COL5A1: variants seen among roughly 807,000 people sequenced by gnomAD.
COL5A1 encodes collagen type V alpha 1 chain, also known as collagen alpha-1(V) chain.
A neutral mutation model predicts 263.7 loss-of-function variants in COL5A1; 16 were observed. The ratio of observed to expected loss-of-function variants is 0.06; its 90% CI spans 0.04 to 0.09. COL5A1 has a LOEUF of 0.09. COL5A1 is among the 10% of genes least tolerant of loss of function. The pLI, the probability that COL5A1 is intolerant of heterozygous loss-of-function variation, is 1.00. For synonymous variants in COL5A1, 1,012 were observed against 1,004.5 expected, an observed-to-expected ratio of 1.01 and a Z score of -0.14; for missense variants, 2,036 against 2,540.5, an observed-to-expected ratio of 0.80 and a Z score of 4.27.
At position 134,738,494 on chromosome 9, in the gene COL5A1, G is replaced by T; in HGVS notation, c.1410G>T (p.Pro470=). Residue 470 remains proline, a synonymous_variant, in exon 10 of 66, where the codon CCG becomes CCT. Transcript: ENST00000371817. Reference sequence around the variant, plus strand: ...CCCAGGGCATGCTCATCGAGGGCCCGCCTGGCCCAGAAGGCCCCGCGGTGA... The same window carrying T: ...CCCAGGGCATGCTCATCGAGGGCCCTCCTGGCCCAGAAGGCCCCGCGGTGA... The part of the protein sequence containing the change: ...IIEPGMLIEG[P]PGPEGPAGLP... 6.2e-7 allele frequency: 1 copy of T among 1,614,000 alleles called. No individual in the cohort carries two copies. Among genetic ancestry groups the T allele is most frequent in the Non-Finnish European group, 8.5e-7 (1 of 1,180,026 alleles).
chr9:134,782,522 C>G (rs1187618142), intron 28 of COL5A1, 145 bp from the exon 29 acceptor site: 1 of 802,586 alleles, frequency 1.2e-6, no homozygotes, highest in Admixed American at 1.7e-5. Flanking sequence ...AGGGATGGGC[C>G]CCAAGCCCAC....
chr9:134,804,178 A>C (rs1838211276), intron 39 of COL5A1, among the ~76,000 whole-genome samples: 1 of 152,166 alleles, frequency 6.6e-6, no homozygotes, highest in Non-Finnish European at 1.5e-5. Flanking sequence ...ATAGGAATAA[A>C]TACACATGTG....
chr9:134,819,245 T>TG (rs1239468639), intron 57 of COL5A1, among the ~76,000 whole-genome samples, 192 bp downstream of exon 57: 4 of 152,274 alleles, frequency 2.6e-5, no homozygotes, highest in Middle Eastern at 3.4e-3. Flanking sequence ...CCCCTGCCTC[T>TG]GGGGGGTCCT....
In COL5A1 at chr9:134,642,551, G is replaced by T. The variant is rs1831332197; in HGVS notation, c.109+255G>T. On this transcript the variant is annotated intron_variant, in intron 1 of 65. Transcript: ENST00000371817. The surrounding 1 kb of genome is among the most constrained non-coding windows in gnomAD (Gnocchi z 4.5). ...CTGTCGCGCGAGCCGAGGAAGGACC[G>T]AGGGCTGGATCAGCAGGAGGGGTTG... Among the ~76,000 whole-genome samples the T allele has an allele frequency of 6.6e-6, 1 of 152,176 alleles. No homozygotes were observed. The highest frequency in any genetic ancestry group is 2.1e-4 in the South Asian group (1 of 4,832).
intron 37 of COL5A1, among the ~76,000 whole-genome samples, chr9:134,799,907 G>A (rs899042162): frequency 7.9e-5 from 12 of 152,312 alleles, no homozygotes; most frequent in South Asian, 6.2e-4. Context: ...TAAGCTGCTT[G>A]TCTCTGCTCA....
chr9:134,841,596 A>T lies in COL5A1; in HGVS notation c.5371-561A>T, dbSNP rs1468284936. 6.6e-6 allele frequency among the ~76,000 whole-genome samples: 1 copy of T among 151,838 alleles called. No individual in the cohort carries two copies. The highest frequency in any genetic ancestry group is 1.5e-5 in the Non-Finnish European group (1 of 67,922). On this transcript the variant is annotated intron_variant, in intron 65 of 65. Coordinates refer to ENST00000371817, the MANE Select transcript of COL5A1 (RefSeq NM_000093.5). This position sits in a 1 kb window ranked among gnomAD's most constrained non-coding sequence, Gnocchi z 4.8. ...GTGGAAGGTCCCCACCCCTTCCCAT[A>T]CTTGTGGAGGTGAAGACCCAGCCCA...
Position 134,830,236 on chromosome 9 carries a change from G to A in COL5A1, c.5136+192G>A, listed in dbSNP as rs73561989. The A allele has an allele frequency of 8.9e-4, 1,360 of 1,531,074 alleles. 12 individuals are homozygous for A. The African/African-American group carries it at 0.015, about 17-fold the overall frequency. 94.8% of individuals were successfully genotyped at this position (1,531,074 alleles called of 1,614,324 possible). The stretch of plus-strand genomic sequence containing the variant: ...TGCCTGCTTGCGGCACGGCTGGCTC[G>A]CGGCTCTGCATGGCACCCATCGCTG... On this transcript the variant is annotated intron_variant, in intron 64 of 65. Coordinates refer to ENST00000371817, the MANE Select transcript of COL5A1 (RefSeq NM_000093.5).
intron 7 of COL5A1, among the ~76,000 whole-genome samples, chr9:134,730,759 C>T (rs771680281): frequency 1.1e-4 from 17 of 152,214 alleles, no homozygotes; most frequent in Non-Finnish European, 1.6e-4. Context: ...CTAGCCCTTC[C>T]GGTCTTTGAG....
intron 39 of COL5A1, 130 bp from the exon 40 acceptor site, chr9:134,804,845 T>C: frequency 1.3e-6 from 1 of 792,850 alleles, no homozygotes; most frequent in Non-Finnish European, 2.1e-6. Flanking sequence ...TTGGCCTCGC[T>C]CTGGGACTGG....
intron 11 of COL5A1, among the ~76,000 whole-genome samples, chr9:134,748,328 C>G (rs926641598): frequency 6.6e-6 from 1 of 152,054 alleles, no homozygotes; most frequent in Non-Finnish European, 1.5e-5. Flanking sequence ...CATACATGCA[C>G]ACACATGCAT....
At position 134,792,848 on chromosome 9, in the gene COL5A1, T is replaced by C. The variant is rs556559164; in HGVS notation, c.2701-2234T>C. ...GTGTGTATGCATGTGTATGTGTGTG[T>C]GCGCACACGTGTGTGTGCGCGCGTT... On this transcript the variant is annotated intron_variant, in intron 32 of 65. Transcript: ENST00000371817. 1.9e-3 allele frequency among the ~76,000 whole-genome samples: 275 copies of C among 141,828 alleles called. 3 individuals are homozygous for C. The South Asian group carries it at 0.028, about 15-fold the overall frequency. 93.0% of individuals were successfully genotyped at this position (141,828 alleles called of 152,430 possible). A position where few individuals can be genotyped will look rare whatever the true frequency, so the allele number is the denominator to read the frequency against.
At chr9:134,683,359 C>T (rs539984464) in intron 1 of COL5A1, among the ~76,000 whole-genome samples, 4 of 152,272 alleles carry the variant, frequency 2.6e-5, no homozygotes, top group African/African-American at 9.6e-5. Flanking sequence ...ACCATTCCTC[C>T]CTGGGGAGGA....
At chr9:134,769,016 TGCGTGCGTGCAC>T (rs1836780957) in intron 25 of COL5A1, among the ~76,000 whole-genome samples, 1 of 152,180 alleles carries the variant, frequency 6.6e-6, no homozygotes, top group Admixed American at 6.5e-5. Context: ...TCAGAATGCG[TGCGTGCGTGCAC>T]ACGTGCGTGT....
intron 1 of COL5A1, among the ~76,000 whole-genome samples, chr9:134,688,895 T>A (rs955901102): frequency 6.6e-6 from 1 of 151,980 alleles, no homozygotes; most frequent in Non-Finnish European, 1.5e-5. Flanking sequence ...GAATGAGAAA[T>A]GCGGCTTCGA....
intron 28 of COL5A1, 156 bp from the exon 29 acceptor site, chr9:134,782,511 G>A (rs1363372276): frequency 1.3e-5 from 10 of 757,356 alleles, no homozygotes; most frequent in African/African-American, 1.7e-5. Context: ...AGCCATTCTC[G>A]AGGGATGGGC....
intron 44 of COL5A1, 32 bp from the exon 45 acceptor site, chr9:134,811,307 A>C: frequency 6.2e-7 from 1 of 1,609,800 alleles, no homozygotes; most frequent in Non-Finnish European, 8.5e-7. Flanking sequence ...CGATCCAAGA[A>C]GCTACCTATG....
intron 62 of COL5A1, among the ~76,000 whole-genome samples, chr9:134,825,532 C>T (rs1839229977): frequency 6.6e-6 from 1 of 152,172 alleles, no homozygotes; most frequent in African/African-American, 2.4e-5. Flanking sequence ...CGGACCCCAA[C>T]CCTCCTGGCC....
At position 134,690,999 on chromosome 9, in the gene COL5A1, G is replaced by A. The variant is rs146074704; in HGVS notation, c.197G>A (p.Arg66Gln). The A allele has an allele frequency of 6.2e-6, 10 of 1,613,720 alleles. No individual in the cohort carries two copies. Among genetic ancestry groups the A allele is most frequent in the Admixed American group, 1.7e-5 (1 of 60,008 alleles). Reference sequence around the variant, plus strand: ...ACAACAGGCTTTTGCGCCACGCGGCGATCTTCCAAAGGCCCGGATGTCGCT... The same window carrying A: ...ACAACAGGCTTTTGCGCCACGCGGCAATCTTCCAAAGGCCCGGATGTCGCT... ...TKTTGFCATRRSSKGPDVAYR... is the reference protein window; with the variant it reads ...TKTTGFCATRQSSKGPDVAYR... Residue 66 changes from arginine to glutamine, a missense_variant, in exon 2 of 66, where the codon CGA becomes CAA. Transcript: ENST00000371817.
At chr9:134,792,471 G>T (rs1837727324) in intron 32 of COL5A1, among the ~76,000 whole-genome samples, 1 of 152,232 alleles carries the variant, frequency 6.6e-6, no homozygotes, top group South Asian at 2.1e-4. Flanking sequence ...CACCTCCCAG[G>T]CTCAAGCAAT....
Sources: gnomAD v4.1 joint callset for allele counts (sites outside exome capture counted in the v4.1 genomes callset) on GRCh38, gnomAD v4.1.1 for gene constraint, Gnocchi (gnomAD v3.1) non-coding constraint, MANE v1.5 for transcripts, NCBI Gene and HGNC (gene_info 2026-07-23, HGNC 2026-07-21) for gene names.